The following USP25 variants were observed in gnomAD, a reference collection of about 807,000 sequenced individuals.
USP25 encodes ubiquitin carboxyl-terminal hydrolase 25.
USP25 carries 85 observed loss-of-function variants against 158.5 expected under a neutral mutation model. The ratio of observed to expected loss-of-function variants is 0.54; its 90% CI spans 0.45 to 0.64. The LOEUF (loss-of-function observed/expected upper bound fraction) is 0.64, where lower values mean the gene tolerates loss of function less well. USP25 is among the 30% of genes least tolerant of loss of function. The probability of loss-of-function intolerance (pLI) is 0.00; values close to 1 mark genes in which losing one functional copy is unlikely to be tolerated. For missense variants in USP25, 1,242 were observed against 1,327.3 expected, an observed-to-expected ratio of 0.94 and a Z score of 1.00; for synonymous variants, 464 against 460.4, an observed-to-expected ratio of 1.01 and a Z score of -0.10.
chr21:15,826,087 G>A lies in USP25; in HGVS notation c.1305-117G>A. On this transcript the variant is annotated intron_variant, in intron 12 of 25. Coordinates refer to ENST00000400183, the MANE Select transcript of USP25 (RefSeq NM_001283041.3). This position sits in a 1 kb window ranked among gnomAD's most constrained non-coding sequence, Gnocchi z 4.8. The stretch of plus-strand genomic sequence containing the variant: ...TTACCATCTTCGTTTTAAAGCAAAT[G>A]AATTTTATTGCTGAGGAAGTTTTAT... 9.0e-7 allele frequency: 1 copy of A among 1,114,950 alleles called. No homozygotes were observed. Among genetic ancestry groups the A allele is most frequent in the South Asian group, 1.7e-5 (1 of 59,632 alleles). 69.1% of individuals were successfully genotyped at this position (1,114,950 alleles called of 1,614,324 possible).
Position 15,842,463 on chromosome 21 carries a change from A to G in USP25, c.2260A>G (p.Lys754Glu). 1.2e-6 allele frequency: 2 copies of G among 1,613,820 alleles called. No individual in the cohort carries two copies. Among genetic ancestry groups the G allele is most frequent in the Non-Finnish European group, 1.7e-6 (2 of 1,179,772 alleles). The change falls in exon 18 of 26, where the codon AAA (lysine) becomes GAA (glutamate). Residue 754 changes from lysine to glutamate, a missense_variant. Transcript: ENST00000400183. Reference sequence around the variant, plus strand: ...AAGAAGTGATTTCTCAAAGCACTTGAAAGAAGAAACTATTCAAATAATTAC... The same window carrying G: ...AAGAAGTGATTTCTCAAAGCACTTGGAAGAAGAAACTATTCAAATAATTAC... ...PSRSDFSKHL[K>E]EETIQIITKA...
At chr21:15,740,575 A>G (rs1845227420) in intron 1 of USP25, among the ~76,000 whole-genome samples, 1 of 142,538 alleles carries the variant, frequency 7.0e-6, no homozygotes, top group African/African-American at 2.5e-5. Context: ...AGTTGAATCG[A>G]TGGATTAAGG....
chr21:15,805,022 A>T, intron 6 of USP25, 99 bp from the exon 7 acceptor site: 2 of 1,235,388 alleles, frequency 1.6e-6, no homozygotes, highest in Non-Finnish European at 2.2e-6. Flanking sequence ...TATATTGGCT[A>T]GTTTAATTTT....
intron 1 of USP25, among the ~76,000 whole-genome samples, chr21:15,757,089 A>G (rs2033428393): frequency 6.6e-6 from 1 of 152,190 alleles, no homozygotes; most frequent in East Asian, 1.9e-4. Context: ...TAGGGTCTTA[A>G]TCACAACAGA....
intron 4 of USP25, among the ~76,000 whole-genome samples, chr21:15,779,576 C>A (rs1432752745): frequency 1.3e-5 from 2 of 151,570 alleles, no homozygotes; most frequent in Non-Finnish European, 2.9e-5. Flanking sequence ...ACAACAGGTA[C>A]TAATTATATA....
rs1057253472 is a variant in USP25, at chr21:15,755,114, G to T, written c.46-7777G>T. Among the ~76,000 whole-genome samples the T allele has an allele frequency of 2.6e-5, 4 of 151,704 alleles. 1 individual carries two copies. Among genetic ancestry groups the T allele is most frequent in the Admixed American group, 6.6e-5 (1 of 15,250 alleles). ...ACATTTGGTGCTTAGCAGTGCGTGT[G>T]ATTCTGAAGTTTAAGAATGTCTTTG... On this transcript the variant is annotated intron_variant, in intron 1 of 25. Transcript: ENST00000400183.
Position 15,849,821 on chromosome 21 carries a change from T to G in USP25, c.2496T>G (p.Gly832=). The G allele has an allele frequency of 6.5e-7, 1 of 1,544,976 alleles. No individual in the cohort carries two copies. The highest frequency in any genetic ancestry group is 8.7e-7 in the Non-Finnish European group (1 of 1,144,326). The change falls in exon 20 of 26, where the codon GGT becomes GGG. Residue 832 remains glycine (G), a synonymous_variant. Transcript: ENST00000400183. ...PNMQGIIMAI[G]KSRSVYDRCG... The stretch of plus-strand genomic sequence containing the variant: ...TGCAAGGTATTATCATGGCGATAGG[T>G]AAATCCAGGAGTGTATATGACAGGT...
At chr21:15,781,467 G>A (rs1162958626) in intron 4 of USP25, among the ~76,000 whole-genome samples, 1 of 152,140 alleles carries the variant, frequency 6.6e-6, no homozygotes, top group African/African-American at 2.4e-5. Flanking sequence ...AGACTGATGG[G>A]AAGTGATGTC....
chr21:15,802,490 A>G (rs962144110), intron 6 of USP25, among the ~76,000 whole-genome samples: 6 of 151,708 alleles, frequency 4.0e-5, no homozygotes, highest in Middle Eastern at 3.4e-3. Context: ...AACAACAGAA[A>G]GATATACAGA....
chr21:15,871,131 A>C (rs1049338731), intron 23 of USP25, among the ~76,000 whole-genome samples: 1 of 152,174 alleles, frequency 6.6e-6, no homozygotes, highest in African/African-American at 2.4e-5. Flanking sequence ...TAGTTATCAA[A>C]ATTTTTAGTT....
At chr21:15,863,984 C>T (rs2067958496) in intron 20 of USP25, among the ~76,000 whole-genome samples, 1 of 149,390 alleles carries the variant, frequency 6.7e-6, no homozygotes, top group Non-Finnish European at 1.5e-5. Context: ...TTGCAGTGAG[C>T]CGAGATCACG....
intron 3 of USP25, among the ~76,000 whole-genome samples, chr21:15,772,409 C>A (rs1264144845): frequency 6.6e-6 from 1 of 152,168 alleles, no homozygotes; most frequent in African/African-American, 2.4e-5. Flanking sequence ...CAGTGGCACC[C>A]AGCTAACTGT....
Position 15,842,384 on chromosome 21 carries a change from CT to C in USP25, c.2195-10del. ...GTTTATATTAGATATATAATTGATT[CT>C]TTTCTCATGAAGCACAAGCAGCAGG... On this transcript the variant is annotated splice_polypyrimidine_tract_variant and intron_variant, in intron 17 of 25. Transcript: ENST00000400183. 1.9e-6 allele frequency: 3 copies of C among 1,611,346 alleles called. No homozygotes were observed. Among genetic ancestry groups the C allele is most frequent in the Non-Finnish European group, 2.5e-6 (3 of 1,178,984 alleles).
intron 20 of USP25, among the ~76,000 whole-genome samples, chr21:15,863,392 T>A (rs974862624): frequency 6.6e-6 from 1 of 152,200 alleles, no homozygotes; most frequent in African/African-American, 2.4e-5. Context: ...AATAAATACT[T>A]CTTTTTGTGA....
At chr21:15,819,207 T>C (rs1216867495) in intron 10 of USP25, among the ~76,000 whole-genome samples, 1 of 152,216 alleles carries the variant, frequency 6.6e-6, no homozygotes, top group Non-Finnish European at 1.5e-5. Context: ...ATGCTACTTA[T>C]ATCAACTGTT....
At chr21:15,779,115 T>C (rs183089342) in intron 4 of USP25, among the ~76,000 whole-genome samples, 178 of 152,238 alleles carry the variant, frequency 1.2e-3, no homozygotes, top group Middle Eastern at 3.4e-3. Flanking sequence ...GGAAACTACT[T>C]TGTAAGACAT....
At chr21:15,750,526 G>A (rs910115184) in intron 1 of USP25, among the ~76,000 whole-genome samples, 11 of 151,926 alleles carry the variant, frequency 7.2e-5, no homozygotes, top group Non-Finnish European at 1.5e-4. Context: ...AATTGTGCCC[G>A]ACCCCTTATA....
chr21:15,762,938 T>C lies in USP25; in HGVS notation c.93T>C (p.Asn31=), dbSNP rs2033819493. ...LNQLREITGI[N]DTQILQQALK... is the part of the protein sequence containing the mutation. ...AACTGAGAGAAATTACGGGGATTAA[T>C]GACACCCAGATACTACAGCAAGCCT... The change falls in exon 2 of 26, where the codon AAT becomes AAC. Residue 31 remains asparagine, a synonymous_variant. Coordinates refer to ENST00000400183, the MANE Select transcript of USP25 (RefSeq NM_001283041.3). The C allele has an allele frequency of 6.2e-7, 1 of 1,612,778 alleles. No individual in the cohort carries two copies. The highest frequency in any genetic ancestry group is 1.3e-5 in the African/African-American group (1 of 74,838).
At chr21:15,751,173 G>C (rs1045389155) in intron 1 of USP25, among the ~76,000 whole-genome samples, 2 of 152,136 alleles carry the variant, frequency 1.3e-5, no homozygotes, top group African/African-American at 2.4e-5. Context: ...TTGGGTTCTT[G>C]TTGGAGAGGT....
Sources: allele counts gnomAD v4.1 joint callset (sites outside exome capture counted in the v4.1 genomes callset), GRCh38; gene constraint gnomAD v4.1.1; non-coding constraint Gnocchi (gnomAD v3.1); transcripts MANE v1.5; gene names NCBI Gene and HGNC (gene_info 2026-07-23, HGNC 2026-07-21).